The following DSC2 variants were observed in gnomAD, a reference collection of about 807,000 sequenced individuals.
DSC2 encodes desmocollin 2.
DSC2 carries 51 observed loss-of-function variants against 87.6 expected under a neutral mutation model. The ratio of observed to expected loss-of-function variants is 0.58; its 90% CI spans 0.46 to 0.74. DSC2 has a LOEUF of 0.74. Among genes scored for constraint, DSC2 ranks in the 30% least tolerant of loss-of-function variants. The pLI is 0.00. For missense variants in DSC2, 1,066 were observed against 1,089.5 expected (o/e 0.98, Z 0.30); for synonymous variants, 383 against 393.2 (o/e 0.97, Z 0.31).
At chr18:31,093,333 C>T (rs1028677455) in intron 2 of DSC2, among the ~76,000 whole-genome samples, 8 of 152,196 alleles carry the variant, frequency 5.3e-5, no homozygotes, top group Non-Finnish European at 1.0e-4. Context: ...TTGTTCCCCA[C>T]TCTGTGCCTA....
At chr18:31,074,420 AATGTGTGTGTGTGT>A (rs1327064221) in intron 12 of DSC2, among the ~76,000 whole-genome samples, 1 of 108,554 alleles carries the variant, frequency 9.2e-6, no homozygotes, top group African/African-American at 3.7e-5. Flanking sequence ...AAAGAGAAAA[AATGTGTGTGTGTGT>A]GTGTGTGTGT....
chr18:31,092,074 T>C (rs772238373), intron 3 of DSC2, 27 bp downstream of exon 3: 135 of 1,588,060 alleles, frequency 8.5e-5, no homozygotes, highest in Non-Finnish European at 1.1e-4. Flanking sequence ...AAAGATATCA[T>C]TTCTTCATTT....
At chr18:31,089,637 A>G in intron 4 of DSC2, 43 bp from the exon 5 acceptor site, 1 of 1,577,956 alleles carries the variant, frequency 6.3e-7, no homozygotes, top group East Asian at 2.3e-5. Context: ...TCTTTATTTC[A>G]GCAGAGCTTT....
chr18:31,101,775 C>G, intron 1 of DSC2, 128 bp downstream of exon 1: 1 of 465,422 alleles, frequency 2.1e-6, no homozygotes, highest in East Asian at 6.2e-5. Flanking sequence ...ACTCCATTTT[C>G]TAGCCACCCA....
intron 1 of DSC2, among the ~76,000 whole-genome samples, chr18:31,100,962 G>T (rs979742958): frequency 6.6e-6 from 1 of 152,114 alleles, no homozygotes; most frequent in Non-Finnish European, 1.5e-5. Flanking sequence ...GTCAAGCCTG[G>T]GAAAGGGGCT....
chr18:31,069,525 G>A (rs1228416407), intron 14 of DSC2, among the ~76,000 whole-genome samples: 2 of 151,296 alleles, frequency 1.3e-5, no homozygotes, highest in African/African-American at 2.5e-5. Context: ...GACCAGCCTC[G>A]CCAACATGGT....
At chr18:31,083,207 C>T in intron 7 of DSC2, 147 bp from the exon 8 acceptor site, 1 of 931,360 alleles carries the variant, frequency 1.1e-6, no homozygotes, top group African/African-American at 1.7e-5. Flanking sequence ...GAAGAATTTT[C>T]TCTCACTAGT....
At chr18:31,088,886 G>A (rs563571284) in intron 5 of DSC2, among the ~76,000 whole-genome samples, 9 of 152,032 alleles carry the variant, frequency 5.9e-5, no homozygotes, top group South Asian at 2.1e-4. Flanking sequence ...GTTCTTGGCC[G>A]GGCACGGTGG....
chr18:31,071,548 T>A (rs763923067), intron 13 of DSC2, 57 bp downstream of exon 13: 1 of 1,525,872 alleles, frequency 6.6e-7, no homozygotes, highest in Non-Finnish European at 9.1e-7. Flanking sequence ...ACAAAAAGTG[T>A]CTTGAAAGTT....
Position 31,060,081 on chromosome 18 carries a change from T to C in DSC2, c.*7934A>G, listed in dbSNP as rs897044980. ...CTGTGTGTGATCATTGTTTCCATTG[T>C]CCTCAATTATGGTACATTGTATCAC... On this transcript the variant is annotated 3_prime_UTR_variant, in exon 16 of 16. Transcript: ENST00000280904. 6.6e-6 allele frequency: 1 copy of C among 152,204 alleles called. No individual in the cohort carries two copies. Among genetic ancestry groups the C allele is most frequent in the African/African-American group, 2.4e-5 (1 of 41,460 alleles). 9.4% of individuals were successfully genotyped at this position (152,204 alleles called of 1,614,324 possible).
intron 5 of DSC2, among the ~76,000 whole-genome samples, chr18:31,088,835 A>G (rs1023107280): frequency 1.3e-5 from 2 of 152,036 alleles, no homozygotes; most frequent in Admixed American, 6.5e-5. Context: ...TCTCCATACT[A>G]TAAAGAGGTT....
In DSC2 at chr18:31,074,885, T is replaced by G. The variant is rs1986964013; in HGVS notation, c.1686A>C (p.Thr562=). The change falls in exon 12 of 16, where the codon ACA becomes ACC. Residue 562 remains threonine (T), a synonymous_variant. Transcript: ENST00000280904. ...TCACGTCTTGAAGTATAATGCCCAG[T>G]GTCCCCGTACATGTTCTCCCTCCTA... ...SDQGGRTCTG[T]LGIILQDVND... 6 of 1,613,868 alleles carry G rather than the reference T, an allele frequency of 3.7e-6. No homozygotes were observed. Among genetic ancestry groups the G allele is most frequent in the Non-Finnish European group, 4.2e-6 (5 of 1,179,900 alleles).
chr18:31,074,854 T>C lies in DSC2; in HGVS notation c.1717A>G (p.Asn573Asp), dbSNP rs1057518818. Residue 573 changes from asparagine to aspartate, a missense_variant, in exon 12 of 16, where the codon AAC becomes GAC. By Grantham distance (23) the Asn-to-Asp change is conservative. Coordinates refer to ENST00000280904, the MANE Select transcript of DSC2 (RefSeq NM_024422.6). ...LGIILQDVND[N>D]SPFIPKKTVI... ...GTCTTTTTAGGTATGAATGGGCTGTTATCATTCACGTCTTGAAGTATAATG... is the reference window on the plus strand; with the variant it reads ...GTCTTTTTAGGTATGAATGGGCTGTCATCATTCACGTCTTGAAGTATAATG... 2.5e-6 allele frequency: 4 copies of C among 1,614,004 alleles called. No homozygotes were observed. Among genetic ancestry groups the C allele is most frequent in the Non-Finnish European group, 3.4e-6 (4 of 1,179,988 alleles).
At chr18:31,100,970 G>C (rs935165104) in intron 1 of DSC2, among the ~76,000 whole-genome samples, 2 of 152,118 alleles carry the variant, frequency 1.3e-5, no homozygotes, top group Admixed American at 1.3e-4. Context: ...TGGGAAAGGG[G>C]CTGTCCCGCC....
chr18:31,075,825 G>C (rs1986996729), intron 11 of DSC2, among the ~76,000 whole-genome samples: 1 of 151,694 alleles, frequency 6.6e-6, no homozygotes, highest in Non-Finnish European at 1.5e-5. Flanking sequence ...ACTCCAGCCT[G>C]GACAACAAAA....
At chr18:31,081,733 T>C (rs572143873) in intron 9 of DSC2, among the ~76,000 whole-genome samples, 1 of 152,172 alleles carries the variant, frequency 6.6e-6, no homozygotes, top group African/African-American at 2.4e-5. Context: ...GAAATAGTAT[T>C]AGAAAGAAGT....
intron 1 of DSC2, among the ~76,000 whole-genome samples, chr18:31,097,173 G>C (rs929072182): frequency 9.9e-5 from 15 of 151,368 alleles, no homozygotes; most frequent in Non-Finnish European, 2.1e-4. Context: ...CGGTAGTCCC[G>C]GCTACTCGGG....
intron 1 of DSC2, chr18:31,101,123 TG>T (rs1229838125): frequency 2.1e-6 from 2 of 949,864 alleles, no homozygotes; most frequent in African/African-American, 3.5e-5. Context: ...GAGTCGCCTC[TG>T]GGGACAAGAA....
At chr18:31,077,147 G>A (rs538125426) in intron 11 of DSC2, among the ~76,000 whole-genome samples, 3 of 152,166 alleles carry the variant, frequency 2.0e-5, no homozygotes, top group Non-Finnish European at 2.9e-5. Flanking sequence ...AGGAAACAAC[G>A]CAACTACCTT....
Sources: allele counts gnomAD v4.1 joint callset (sites outside exome capture counted in the v4.1 genomes callset), GRCh38; gene constraint gnomAD v4.1.1; transcripts MANE v1.5; gene names NCBI Gene and HGNC (gene_info 2026-07-23, HGNC 2026-07-21).